Variants in CNBD1 observed in about 807,000 individuals in gnomAD.
CNBD1 encodes the protein cyclic nucleotide-binding domain-containing protein 1.
In CNBD1, 71 loss-of-function variants were observed where a neutral mutation model predicts 54.4. That is an observed-to-expected ratio of 1.30 (90% CI 1.08 to 1.59). The LOEUF (loss-of-function observed/expected upper bound fraction) is 1.59, where lower values mean the gene tolerates loss of function less well. Among genes scored for constraint, CNBD1 ranks in the 40% most tolerant of loss-of-function variants. CNBD1 has a pLI of 0.00. For synonymous variants in CNBD1, 182 were observed against 170.7 expected, an observed-to-expected ratio of 1.07 and a Z score of -0.51; for missense variants, 659 against 518.0, an observed-to-expected ratio of 1.27 and a Z score of -2.64.
At chr8:87,258,769 C>G (rs1808071869) in intron 6 of CNBD1, among the ~76,000 whole-genome samples, 3 of 152,042 alleles carry the variant, frequency 2.0e-5, no homozygotes, top group African/African-American at 7.2e-5. Flanking sequence ...TTTTATAACC[C>G]TTTACAAATT....
intron 6 of CNBD1, among the ~76,000 whole-genome samples, chr8:87,258,055 A>G (rs1014650142): frequency 7.9e-5 from 12 of 152,234 alleles, no homozygotes; most frequent in African/African-American, 1.9e-4. Context: ...TATGTTGACA[A>G]TGCTTCCCAT....
chr8:87,213,285 A>G (rs1814140101), intron 5 of CNBD1, among the ~76,000 whole-genome samples: 1 of 152,202 alleles, frequency 6.6e-6, no homozygotes, highest in Non-Finnish European at 1.5e-5. Context: ...CACTTTGGCA[A>G]TTCCTCAAAT....
intron 5 of CNBD1, among the ~76,000 whole-genome samples, chr8:87,228,238 G>A (rs1049162772): frequency 6.6e-6 from 1 of 150,740 alleles, no homozygotes; most frequent in Non-Finnish European, 1.5e-5. Context: ...TCTTCTCTCA[G>A]CTCGTCAAAG....
intron 4 of CNBD1, among the ~76,000 whole-genome samples, chr8:87,159,021 A>T (rs1563490634): frequency 6.6e-6 from 1 of 152,098 alleles, no homozygotes; most frequent in African/African-American, 2.4e-5. Flanking sequence ...TATTTATTTC[A>T]TTTTTTTGTA....
At chr8:87,057,040 T>A (rs1810429985) in intron 4 of CNBD1, among the ~76,000 whole-genome samples, 1 of 152,094 alleles carries the variant, frequency 6.6e-6, no homozygotes. Flanking sequence ...CTTCTATTAT[T>A]ATATTTCATA....
chr8:87,330,765 G>T (rs1025593871), intron 8 of CNBD1, among the ~76,000 whole-genome samples: 5 of 152,124 alleles, frequency 3.3e-5, no homozygotes, highest in Non-Finnish European at 7.4e-5. Context: ...GCTGTTAATG[G>T]ATTAAGTAGA....
chr8:87,265,662 CTCTTTT>C (rs1808240871), intron 6 of CNBD1, among the ~76,000 whole-genome samples: 1 of 152,050 alleles, frequency 6.6e-6, no homozygotes, highest in Non-Finnish European at 1.5e-5. Context: ...AGGCTGCAGT[CTCTTTT>C]TCTTAATAAA....
At chr8:87,333,648 A>G (rs1047963696) in intron 8 of CNBD1, among the ~76,000 whole-genome samples, 1 of 152,104 alleles carries the variant, frequency 6.6e-6, no homozygotes, top group African/African-American at 2.4e-5. Flanking sequence ...GGTTTTTGTC[A>G]TTAGTTATGT....
intron 3 of CNBD1, among the ~76,000 whole-genome samples, chr8:86,925,730 C>CAAA (rs71275895): frequency 4.7e-4 from 67 of 141,700 alleles, no homozygotes; most frequent in South Asian, 1.6e-3. Flanking sequence ...AAAAAAATAC[C>CAAA]AAAAAAAAAA....
intron 10 of CNBD1, among the ~76,000 whole-genome samples, chr8:87,371,946 C>G (rs1222676340): frequency 1.3e-5 from 2 of 151,896 alleles, no homozygotes; most frequent in Non-Finnish European, 2.9e-5. Flanking sequence ...GACGCCCTCT[C>G]TCACCACTCC....
At chr8:87,129,670 G>C (rs2130724914) in intron 4 of CNBD1, among the ~76,000 whole-genome samples, 1 of 152,080 alleles carries the variant, frequency 6.6e-6, no homozygotes, top group East Asian at 1.9e-4. Flanking sequence ...TTTAATGTAA[G>C]CATTTAAAGA....
rs552394496 is a variant in CNBD1, at chr8:87,141,225, T to TA, written c.432-64764dup. On this transcript the variant is annotated intron_variant, in intron 4 of 10. Coordinates refer to ENST00000518476, the MANE Select transcript of CNBD1 (RefSeq NM_173538.3). ...CACATAAAAATTGATTATTCTCTTATAAAATCCTACGGTGACTTATTTCAG... is the reference window on the plus strand; with the variant it reads ...CACATAAAAATTGATTATTCTCTTATAAAAATCCTACGGTGACTTATTTCAG... Among the ~76,000 whole-genome samples, 441 of 152,260 alleles carry TA rather than the reference T, an allele frequency of 2.9e-3. 4 individuals carry two copies. The highest frequency in any genetic ancestry group is 0.01 in the African/African-American group (418 of 41,562).
intron 4 of CNBD1, among the ~76,000 whole-genome samples, chr8:87,172,675 ATATAAG>A (rs372446310): frequency 9.9e-5 from 15 of 152,076 alleles, no homozygotes; most frequent in African/African-American, 2.4e-4. Context: ...ATTTTGTCTG[ATATAAG>A]TATAACTACT....
intron 2 of CNBD1, among the ~76,000 whole-genome samples, chr8:87,397,500 C>G (rs1274549499): frequency 6.6e-6 from 1 of 151,856 alleles, no homozygotes; most frequent in African/African-American, 2.4e-5. Flanking sequence ...CTAAATTTAC[C>G]TCTACTAATG....
At chr8:87,275,676 C>T (rs1297834728) in intron 6 of CNBD1, among the ~76,000 whole-genome samples, 1 of 151,446 alleles carries the variant, frequency 6.6e-6, no homozygotes, top group East Asian at 1.9e-4. Context: ...ACAGGGATGC[C>T]CTCTCTCACC....
intron 6 of CNBD1, among the ~76,000 whole-genome samples, chr8:87,260,181 T>A (rs1808106852): frequency 6.6e-6 from 1 of 152,186 alleles, no homozygotes; most frequent in African/African-American, 2.4e-5. Context: ...GGCTTTTAAC[T>A]ACTCCAGATA....
intron 4 of CNBD1, among the ~76,000 whole-genome samples, chr8:86,974,967 T>C (rs1442562703): frequency 2.6e-5 from 4 of 152,040 alleles, no homozygotes; most frequent in Non-Finnish European, 5.9e-5. Context: ...AAAAATCCAT[T>C]AAAGGCAGGG....
intron 4 of CNBD1, among the ~76,000 whole-genome samples, chr8:87,125,682 A>G (rs985021797): frequency 2.0e-5 from 3 of 151,916 alleles, no homozygotes; most frequent in Non-Finnish European, 4.4e-5. Flanking sequence ...GTTGAGGTAT[A>G]ATAACCAAAC....
intron 4 of CNBD1, among the ~76,000 whole-genome samples, chr8:87,066,792 A>G (rs1403290415): frequency 6.6e-6 from 1 of 151,986 alleles, no homozygotes; most frequent in African/African-American, 2.4e-5. Context: ...AAAAATTGTG[A>G]TTAAAGTCAT....
Sources: gnomAD v4.1 joint callset for allele counts (sites outside exome capture counted in the v4.1 genomes callset) on GRCh38, gnomAD v4.1.1 for gene constraint, MANE v1.5 for transcripts, NCBI Gene and HGNC (gene_info 2026-07-23, HGNC 2026-07-21) for gene names.